The following PTPRT variants were observed in gnomAD, a reference collection of about 807,000 sequenced individuals.
The protein encoded by PTPRT is receptor-type tyrosine-protein phosphatase T.
Under a neutral mutation model 176.8 loss-of-function variants are expected in PTPRT, and 56 were observed. That is an observed-to-expected ratio of 0.32 (90% CI 0.26 to 0.40). The LOEUF is 0.40. Among genes scored for constraint, PTPRT ranks in the 10% least tolerant of loss-of-function variants. The pLI, the probability that PTPRT is intolerant of heterozygous loss-of-function variation, is 1.00. For missense variants in PTPRT, 1,540 were observed against 1,908.2 expected (o/e 0.81, Z 3.60); for synonymous variants, 783 against 739.0 (o/e 1.06, Z -0.96).
chr20:42,147,912 A>G (rs1424280368), intron 17 of PTPRT, among the ~76,000 whole-genome samples: 1 of 152,152 alleles, frequency 6.6e-6, no homozygotes, highest in Non-Finnish European at 1.5e-5. Flanking sequence ...TTCCCTTTTT[A>G]GGGAGCTACA....
chr20:42,808,702 G>C (rs1259005910), intron 2 of PTPRT, among the ~76,000 whole-genome samples: 1 of 152,140 alleles, frequency 6.6e-6, no homozygotes, highest in Non-Finnish European at 1.5e-5. Context: ...CAAGTAGATA[G>C]TTTTCATACA....
rs145783787 is a variant in PTPRT at position 42,963,163 on chromosome 20, C to T, written c.89-77231G>A. 1.1e-3 allele frequency among the ~76,000 whole-genome samples: 172 copies of T among 151,926 alleles called. 2 individuals are homozygous for T. The highest frequency in any genetic ancestry group is 7.7e-3 in the South Asian group (37 of 4,810). ...GCAGTGAGCTTAGATCGCACCACTGCGCTCCAGCCTGGGTGACAGAGCAAG... is the reference window on the plus strand; with the variant it reads ...GCAGTGAGCTTAGATCGCACCACTGTGCTCCAGCCTGGGTGACAGAGCAAG... On this transcript the variant is annotated intron_variant, in intron 1 of 30. Coordinates refer to ENST00000373187, the MANE Select transcript of PTPRT (RefSeq NM_007050.6).
intron 7 of PTPRT, among the ~76,000 whole-genome samples, chr20:42,582,525 T>G (rs547250970): frequency 6.6e-6 from 1 of 152,272 alleles, no homozygotes; most frequent in East Asian, 1.9e-4. Flanking sequence ...TAAATTAGCC[T>G]AGGGGCCACT....
intron 1 of PTPRT, among the ~76,000 whole-genome samples, chr20:42,916,192 C>T (rs951837050): frequency 1.4e-5 from 2 of 144,438 alleles, no homozygotes; most frequent in East Asian, 4.5e-4. Flanking sequence ...TCAATTCCCA[C>T]CTATGAGTGA....
chr20:42,590,972 G>A (rs184508396), intron 7 of PTPRT, among the ~76,000 whole-genome samples: 1 of 138,312 alleles, frequency 7.2e-6, no homozygotes, highest in East Asian at 2.0e-4. Flanking sequence ...GTGTGTGTGT[G>A]TGTAATGGGG....
intron 7 of PTPRT, among the ~76,000 whole-genome samples, chr20:42,513,800 TC>T (rs1351123194): frequency 1.3e-5 from 2 of 152,150 alleles, no homozygotes; most frequent in Admixed American, 6.6e-5. Context: ...TTGGGGTTAG[TC>T]ATTCAACTGC....
At chr20:43,134,069 G>C (rs1231482892) in intron 1 of PTPRT, among the ~76,000 whole-genome samples, 1 of 152,156 alleles carries the variant, frequency 6.6e-6, no homozygotes, top group Non-Finnish European at 1.5e-5. Context: ...GGGACATGGA[G>C]GAACAGAGGG....
chr20:42,445,176 T>C (rs1263708823), intron 9 of PTPRT, among the ~76,000 whole-genome samples: 2 of 152,098 alleles, frequency 1.3e-5, no homozygotes, highest in Admixed American at 6.6e-5. Context: ...CATTTAGGAG[T>C]CCTGGGTTTG....
At chr20:42,415,487 T>C (rs910557175) in intron 9 of PTPRT, among the ~76,000 whole-genome samples, 4 of 152,192 alleles carry the variant, frequency 2.6e-5, no homozygotes, top group African/African-American at 9.7e-5. Context: ...GCTGGGATTA[T>C]AGGTGTGAGC....
At chr20:42,308,300 T>TG (rs1344015672) in intron 12 of PTPRT, among the ~76,000 whole-genome samples, 1 of 152,084 alleles carries the variant, frequency 6.6e-6, no homozygotes, top group African/African-American at 2.4e-5. Flanking sequence ...AATCCTCTCT[T>TG]GGGGTCTGGA....
chr20:43,088,333 G>GGTGTGTGTGTGTGT (rs67837016), intron 1 of PTPRT, among the ~76,000 whole-genome samples: 2 of 142,846 alleles, frequency 1.4e-5, no homozygotes, highest in Admixed American at 7.0e-5. Flanking sequence ...TTTGCTTTGG[G>GGTGTGTGTGTGTGT]GTGTGTGTGT....
intron 1 of PTPRT, among the ~76,000 whole-genome samples, chr20:42,911,345 A>G (rs995473487): frequency 5.9e-5 from 9 of 152,200 alleles, no homozygotes; most frequent in Non-Finnish European, 1.5e-5. Context: ...AGCTAAATAT[A>G]TACTAGCTAT....
At chr20:42,124,422 T>C (rs1987748344) in intron 19 of PTPRT, among the ~76,000 whole-genome samples, 2 of 152,174 alleles carry the variant, frequency 1.3e-5, no homozygotes. Context: ...GGCTGGTAAT[T>C]CATAACAGAT....
At chr20:42,299,738 T>A (rs1188121489) in intron 12 of PTPRT, among the ~76,000 whole-genome samples, 1 of 145,562 alleles carries the variant, frequency 6.9e-6, no homozygotes, top group Non-Finnish European at 1.5e-5. Context: ...GCCTCCGCCT[T>A]CTGGTTTCAA....
rs565446444 is a variant in PTPRT at position 42,092,967 on chromosome 20, T to G, written c.3846+5454A>C. On this transcript the variant is annotated intron_variant, in intron 27 of 30. Coordinates refer to ENST00000373187, the MANE Select transcript of PTPRT (RefSeq NM_007050.6). ...AGAGCAACTCAGCTTTTATGTAAGT[T>G]GTGGACTCTTATTTGTTTTAAAGGA... Among the ~76,000 whole-genome samples the G allele has an allele frequency of 2.6e-5, 4 of 152,350 alleles. 1 individual carries two copies. Among genetic ancestry groups the G allele is most frequent in the South Asian group, 4.1e-4 (2 of 4,828 alleles).
At position 42,209,171 on chromosome 20, in the gene PTPRT, C is replaced by G. The variant is rs1023940379; in HGVS notation, c.2343-9783G>C. ...AGTGTGTAGAAGTAAATTTATAGCA[C>G]TTAATGCCCACAAGAGAAAGCAGGA... On this transcript the variant is annotated intron_variant, in intron 15 of 30. Coordinates refer to ENST00000373187, the MANE Select transcript of PTPRT (RefSeq NM_007050.6). Among the ~76,000 whole-genome samples, 3 of 152,174 alleles carry G rather than the reference C, an allele frequency of 2.0e-5. No individual in the cohort carries two copies. The East Asian group carries it at 5.8e-4, about 29-fold the overall frequency.
chr20:43,050,802 C>G (rs921072841), intron 1 of PTPRT, among the ~76,000 whole-genome samples: 1 of 152,192 alleles, frequency 6.6e-6, no homozygotes, highest in African/African-American at 2.4e-5. Flanking sequence ...CCATGGGATA[C>G]AGATGGGCCT....
chr20:42,105,259 CTTTG>C (rs931330879), intron 24 of PTPRT, among the ~76,000 whole-genome samples: 6 of 152,110 alleles, frequency 3.9e-5, no homozygotes, highest in Admixed American at 2.0e-4. Context: ...TTAAAGTAGC[CTTTG>C]TTTGTTTCCT....
At chr20:42,400,131 C>T (rs372835607) in intron 9 of PTPRT, among the ~76,000 whole-genome samples, 26 of 152,228 alleles carry the variant, frequency 1.7e-4, no homozygotes, top group African/African-American at 6.3e-4. Context: ...GGGCATTACC[C>T]GTGCCAGATT....
Sources: gnomAD v4.1 joint callset for allele counts (sites outside exome capture counted in the v4.1 genomes callset) on GRCh38, gnomAD v4.1.1 for gene constraint, MANE v1.5 for transcripts, NCBI Gene and HGNC (gene_info 2026-07-23, HGNC 2026-07-21) for gene names.